The following KCTD6 variants were observed in gnomAD, a reference collection of about 807,000 sequenced individuals.
The protein encoded by KCTD6 is BTB/POZ domain-containing protein KCTD6.
KCTD6 carries 6 observed loss-of-function variants against 18.7 expected under a neutral mutation model. The ratio of observed to expected loss-of-function variants is 0.32; its 90% CI spans 0.18 to 0.63. The LOEUF is 0.63. Ranked by LOEUF, KCTD6 falls within the 30% of genes least tolerant of loss-of-function variation. KCTD6 has a pLI of 0.79. For missense variants in KCTD6, 165 were observed against 300.2 expected, an observed-to-expected ratio of 0.55 and a Z score of 3.33; for synonymous variants, 86 against 108.5, an observed-to-expected ratio of 0.79 and a Z score of 1.29.
chr3:58,500,664 C>T (rs1306522044), intron 2 of KCTD6, among the ~76,000 whole-genome samples: 1 of 151,956 alleles, frequency 6.6e-6, no homozygotes, highest in Non-Finnish European at 1.5e-5. Context: ...GATAATGGGC[C>T]TGAAATGATT....
At chr3:58,495,791 A>G (rs1224423888) in intron 1 of KCTD6, among the ~76,000 whole-genome samples, 1 of 151,900 alleles carries the variant, frequency 6.6e-6, no homozygotes, top group Non-Finnish European at 1.5e-5. Context: ...GCTTTCCTGA[A>G]TTATTAAGCG....
rs2063203704 is a variant in KCTD6, at chr3:58,501,303, C to T, written c.385C>T (p.Leu129Phe). 1 of 1,613,246 alleles carries T rather than the reference C, an allele frequency of 6.2e-7. No homozygotes were observed. Among genetic ancestry groups the T allele is most frequent in the Admixed American group, 1.7e-5 (1 of 59,844 alleles). ...EVVELSSTRKLSKYSNPVAVI... is the reference protein window; with the variant it reads ...EVVELSSTRKFSKYSNPVAVI... Reference sequence around the variant, plus strand: ...TGTGGAGCTGTCTAGTACTCGGAAGCTTTCTAAGTACTCCAACCCAGTGGC... The same window carrying T: ...TGTGGAGCTGTCTAGTACTCGGAAGTTTTCTAAGTACTCCAACCCAGTGGC... Residue 129 changes from leucine to phenylalanine, a missense_variant, in exon 3 of 3, where the codon CTT becomes TTT. Coordinates refer to ENST00000404589, the MANE Select transcript of KCTD6 (RefSeq NM_001128214.2). This position sits in a 1 kb window ranked among gnomAD's most constrained non-coding sequence, Gnocchi z 9.7.
chr3:58,499,899 T>C (rs1455100786), intron 2 of KCTD6, among the ~76,000 whole-genome samples: 1 of 152,146 alleles, frequency 6.6e-6, no homozygotes, highest in Non-Finnish European at 1.5e-5. Flanking sequence ...AGAAGCTTGC[T>C]TCTCAGAATT....
Position 58,497,287 on chromosome 3 carries a change from A to G in KCTD6, c.-43-1426A>G, listed in dbSNP as rs1289547399. Among the ~76,000 whole-genome samples, 1 of 152,242 alleles carries G rather than the reference A, an allele frequency of 6.6e-6. No homozygotes were observed. The highest frequency in any genetic ancestry group is 1.5e-5 in the Non-Finnish European group (1 of 68,036). The stretch of plus-strand genomic sequence containing the variant: ...ATGCTGTGCTATGCAAATGTTCTCT[A>G]CATGCCTGAGTGACCTTTTGAGAAA... On this transcript the variant is annotated intron_variant, in intron 1 of 2. Coordinates refer to ENST00000404589, the MANE Select transcript of KCTD6 (RefSeq NM_001128214.2). The surrounding 1 kb of genome is among the most constrained non-coding windows in gnomAD (Gnocchi z 4.2).
rs2063190697 is a variant in KCTD6 at position 58,498,713 on chromosome 3, T to C, written c.-43T>C. ...TATGTCTGTTTTTCTCCTCTTGAAG[T>C]TTCCCTGAAACCTGGGCTCTTGAAG... is the stretch of plus-strand genomic sequence containing the variant. On this transcript the variant is annotated splice_region_variant and 5_prime_UTR_variant, in exon 2 of 3. Coordinates refer to ENST00000404589, the MANE Select transcript of KCTD6 (RefSeq NM_001128214.2). The surrounding 1 kb of genome is among the most constrained non-coding windows in gnomAD (Gnocchi z 4.6). 2 of 1,553,698 alleles carry C rather than the reference T, an allele frequency of 1.3e-6. No homozygotes were observed. The highest frequency in any genetic ancestry group is 1.8e-6 in the Non-Finnish European group (2 of 1,127,310).
rs1560203014 is a variant in KCTD6, at chr3:58,493,040, CT to C, written c.-44+872del. On this transcript the variant is annotated intron_variant, in intron 1 of 2. Coordinates refer to ENST00000404589, the MANE Select transcript of KCTD6 (RefSeq NM_001128214.2). The surrounding 1 kb of genome is among the most constrained non-coding windows in gnomAD (Gnocchi z 4.5). ...GCCTAAGTATCTCTTCTATATCCCC[CT>C]GGCATGTTCTTTTTTTCGCTGTCAC... Among the ~76,000 whole-genome samples the C allele has an allele frequency of 6.6e-6, 1 of 152,174 alleles. No homozygotes were observed. Among genetic ancestry groups the C allele is most frequent in the South Asian group, 2.1e-4 (1 of 4,824 alleles).
rs185955135 is a variant in KCTD6 at position 58,499,032 on chromosome 3, C to T, written c.27+250C>T. On this transcript the variant is annotated intron_variant, in intron 2 of 2. Coordinates refer to ENST00000404589, the MANE Select transcript of KCTD6 (RefSeq NM_001128214.2). ...TTGCCCAGGCTGGAGTGCAGTGGCGCGATCTTGGCTCACTGCAACCTCCAC... is the reference window on the plus strand; with the variant it reads ...TTGCCCAGGCTGGAGTGCAGTGGCGTGATCTTGGCTCACTGCAACCTCCAC... Among the ~76,000 whole-genome samples the T allele has an allele frequency of 4.0e-5, 6 of 151,576 alleles. No homozygotes were observed. The East Asian group carries it at 5.9e-4, about 15-fold the overall frequency.
rs1351094469 is a variant in KCTD6 at position 58,493,035 on chromosome 3, T to C, written c.-44+866T>C. 6.6e-6 allele frequency among the ~76,000 whole-genome samples: 1 copy of C among 152,200 alleles called. No individual in the cohort carries two copies. The highest frequency in any genetic ancestry group is 1.5e-5 in the Non-Finnish European group (1 of 68,044). Reference sequence around the variant, plus strand: ...GGGTAGCCTAAGTATCTCTTCTATATCCCCCTGGCATGTTCTTTTTTTCGC... The same window carrying C: ...GGGTAGCCTAAGTATCTCTTCTATACCCCCCTGGCATGTTCTTTTTTTCGC... On this transcript the variant is annotated intron_variant, in intron 1 of 2. Transcript: ENST00000404589. This position sits in a 1 kb window ranked among gnomAD's most constrained non-coding sequence, Gnocchi z 4.5.
chr3:58,499,337 C>G (rs938736443), intron 2 of KCTD6, among the ~76,000 whole-genome samples: 1 of 152,058 alleles, frequency 6.6e-6, no homozygotes, highest in African/African-American at 2.4e-5. Context: ...AAGACTCTTT[C>G]TTCATGAATA....
chr3:58,495,520 T>G (rs1410431043), intron 1 of KCTD6, among the ~76,000 whole-genome samples: 1 of 118,806 alleles, frequency 8.4e-6, no homozygotes, highest in African/African-American at 3.2e-5. Flanking sequence ...TTTTTTTTTG[T>G]TTGTTTGTTT....
rs891342196 is a variant in KCTD6, at chr3:58,498,517, G to C, written c.-43-196G>C. ...TCTTAGTTCCAGATGGGTTCTCTAT[G>C]GTAAGAATACAGGACATGTAGAAGG... On this transcript the variant is annotated intron_variant, in intron 1 of 2. Transcript: ENST00000404589. The surrounding 1 kb of genome is among the most constrained non-coding windows in gnomAD (Gnocchi z 4.6). The C allele has an allele frequency of 2.0e-6, 1 of 504,768 alleles. No individual in the cohort carries two copies. The allele number at this position is 504,768 out of a possible 1,614,324, so 31.3% of individuals were successfully genotyped here.
Position 58,498,846 on chromosome 3 carries a change from T to A in KCTD6, c.27+64T>A. ...ATTATTTTTGTGTGTCTTTTTATCC[T>A]TATGTATTTTTAGGTATATCTTATA... is the stretch of plus-strand genomic sequence containing the variant. On this transcript the variant is annotated intron_variant, in intron 2 of 2. Transcript: ENST00000404589. This position sits in a 1 kb window ranked among gnomAD's most constrained non-coding sequence, Gnocchi z 4.6. 1.5e-6 allele frequency: 2 copies of A among 1,337,734 alleles called. No individual in the cohort carries two copies. Among genetic ancestry groups the A allele is most frequent in the South Asian group, 2.5e-5 (2 of 79,064 alleles). The allele number at this position is 1,337,734 out of a possible 1,614,324, so 82.9% of individuals were successfully genotyped here.
chr3:58,494,420 A>C (rs939994259), intron 1 of KCTD6: 1 of 152,226 alleles, frequency 6.6e-6, no homozygotes, highest in Non-Finnish European at 1.5e-5. Flanking sequence ...TAAGTATAGA[A>C]AGAGGGAGTT....
intron 1 of KCTD6, among the ~76,000 whole-genome samples, chr3:58,495,009 G>T (rs1014739203): frequency 6.6e-6 from 1 of 152,148 alleles, no homozygotes; most frequent in Non-Finnish European, 1.5e-5. Context: ...ATCTTTTCAG[G>T]TGAACTGATT....
At chr3:58,495,066 G>T (rs1335875500) in intron 1 of KCTD6, among the ~76,000 whole-genome samples, 1 of 152,162 alleles carries the variant, frequency 6.6e-6, no homozygotes, top group Non-Finnish European at 1.5e-5. Context: ...TTTGTGCTCG[G>T]TTGCATTTGC....
Position 58,493,091 on chromosome 3 carries a change from C to T in KCTD6, c.-44+922C>T, listed in dbSNP as rs1247107243. 6.6e-6 allele frequency among the ~76,000 whole-genome samples: 1 copy of T among 152,110 alleles called. No homozygotes were observed. The highest frequency in any genetic ancestry group is 1.5e-5 in the Non-Finnish European group (1 of 68,010). ...CAAATGCCCTATTACTTGAATCATC[C>T]TGGGATAGGAGAGAAGCTTGGGGAC... On this transcript the variant is annotated intron_variant, in intron 1 of 2. Transcript: ENST00000404589. The surrounding 1 kb of genome is among the most constrained non-coding windows in gnomAD (Gnocchi z 4.5).
chr3:58,494,300 C>T (rs1231321366), intron 1 of KCTD6: 1 of 152,112 alleles, frequency 6.6e-6, no homozygotes, highest in Non-Finnish European at 1.5e-5. Flanking sequence ...TGAATGTTAA[C>T]CCCAAAGACT....
rs1366528715 is a variant in KCTD6 at position 58,496,356 on chromosome 3, T to C, written c.-43-2357T>C. ...AAAATCTAGACTAAGAGTCAGAACA[T>C]GCAAGTTCTTATCTAGTTACTTCCC... On this transcript the variant is annotated intron_variant, in intron 1 of 2. Transcript: ENST00000404589. This position sits in a 1 kb window ranked among gnomAD's most constrained non-coding sequence, Gnocchi z 5.1. 1.3e-5 allele frequency among the ~76,000 whole-genome samples: 2 copies of C among 152,226 alleles called. No individual in the cohort carries two copies. The highest frequency in any genetic ancestry group is 2.1e-4 in the South Asian group (1 of 4,834).
rs2063174340 is a variant in KCTD6, at chr3:58,496,135, G to GA, written c.-43-2578_-43-2577insA. ...ATGGGTTCCTGCCTTTTTTTGGTGGGGGGGCCTCAGGAGAATTTTTACAAA... is the reference window on the plus strand; with the variant it reads ...ATGGGTTCCTGCCTTTTTTTGGTGGGAGGGGCCTCAGGAGAATTTTTACAAA... On this transcript the variant is annotated intron_variant, in intron 1 of 2. Transcript: ENST00000404589. This position sits in a 1 kb window ranked among gnomAD's most constrained non-coding sequence, Gnocchi z 5.1. Among the ~76,000 whole-genome samples the GA allele has an allele frequency of 6.6e-6, 1 of 151,124 alleles. No individual in the cohort carries two copies. Among genetic ancestry groups the GA allele is most frequent in the Non-Finnish European group, 1.5e-5 (1 of 67,784 alleles).
Sources: gnomAD v4.1 joint callset for allele counts (sites outside exome capture counted in the v4.1 genomes callset) on GRCh38, gnomAD v4.1.1 for gene constraint, Gnocchi (gnomAD v3.1) non-coding constraint, MANE v1.5 for transcripts, NCBI Gene and HGNC (gene_info 2026-07-23, HGNC 2026-07-21) for gene names.